Variants in PDP2 observed in about 807,000 individuals in gnomAD.
The protein encoded by PDP2 is [Pyruvate dehydrogenase [acetyl-transferring]]-phosphatase 2, mitochondrial.
A neutral mutation model predicts 34.2 loss-of-function variants in PDP2; 23 were observed. The observed-to-expected ratio is 0.67, with a 90% CI of 0.48 to 0.95. The LOEUF (loss-of-function observed/expected upper bound fraction) is 0.95, where lower values mean the gene tolerates loss of function less well. Among genes scored for constraint, PDP2 ranks in the 40% least tolerant of loss-of-function variants. The pLI is 0.00. For missense variants in PDP2, 571 were observed against 659.6 expected (o/e 0.87, Z 1.47); for synonymous variants, 275 against 269.2 (o/e 1.02, Z -0.21).
Position 66,888,039 on chromosome 16 carries a change from TTCC to T in PDP2, c.*2167_*2169del, listed in dbSNP as rs1567521062. On this transcript the variant is annotated 3_prime_UTR_variant, in exon 2 of 2. Coordinates refer to ENST00000311765, the MANE Select transcript of PDP2 (RefSeq NM_020786.4). The stretch of plus-strand genomic sequence containing the variant: ...CTTCCTTCCTTCCTTCCTTCCTTCC[TTCC>T]TTCCTTCCTTCCTTCCTCTCTCTCT... The T allele has an allele frequency of 1.4e-5, 2 of 145,810 alleles. No individual in the cohort carries two copies. The highest frequency in any genetic ancestry group is 3.0e-5 in the Non-Finnish European group (2 of 66,272). The allele number at this position is 145,810 out of a possible 1,614,324, so 9.0% of individuals were successfully genotyped here. A position where few individuals can be genotyped will look rare whatever the true frequency, so the allele number is the denominator to read the frequency against.
Position 66,886,610 on chromosome 16 carries a change from G to A in PDP2, c.*736G>A. ...GGTGCAGCTTTTTGTGCCCTCTACT[G>A]AGTCCCATTCCAGAAACTTTGAGCC... On this transcript the variant is annotated 3_prime_UTR_variant, in exon 2 of 2. Transcript: ENST00000311765. 1 of 452,046 alleles carries A rather than the reference G, an allele frequency of 2.2e-6. No individual in the cohort carries two copies. The highest frequency in any genetic ancestry group is 4.7e-6 in the Non-Finnish European group (1 of 213,532). The allele number at this position is 452,046 out of a possible 1,614,324, so 28.0% of individuals were successfully genotyped here. A position where few individuals can be genotyped will look rare whatever the true frequency, so the allele number is the denominator to read the frequency against.
rs779446548 is a variant in PDP2, at chr16:66,888,555, A to G, written c.*2681A>G. 4 of 152,142 alleles carry G rather than the reference A, an allele frequency of 2.6e-5. No homozygotes were observed. The highest frequency in any genetic ancestry group is 5.9e-5 in the Non-Finnish European group (4 of 68,028). 9.4% of individuals were successfully genotyped at this position (152,142 alleles called of 1,614,324 possible). ...CTCACTGTCAAACTCCTGGACTCCAATGTTCCCTCCCCTTTTAGCCTCCCA... is the reference window on the plus strand; with the variant it reads ...CTCACTGTCAAACTCCTGGACTCCAGTGTTCCCTCCCCTTTTAGCCTCCCA... On this transcript the variant is annotated 3_prime_UTR_variant, in exon 2 of 2. Transcript: ENST00000311765.
At chr16:66,884,106 G>A (rs1293642517) in intron 1 of PDP2, 125 bp from the exon 2 acceptor site, 7 of 475,336 alleles carry the variant, frequency 1.5e-5, no homozygotes, top group Non-Finnish European at 2.1e-5. Context: ...CCTGGGAGGC[G>A]GAGCTTGCAG....
Position 66,890,849 on chromosome 16 carries a change from T to A in PDP2, c.*4975T>A, listed in dbSNP as rs556842852. Reference sequence around the variant, plus strand: ...AGAGCTGCCCCTGGCACTATCTGAGTGGAAAGCTCATTGGGACAGCCATGC... The same window carrying A: ...AGAGCTGCCCCTGGCACTATCTGAGAGGAAAGCTCATTGGGACAGCCATGC... On this transcript the variant is annotated 3_prime_UTR_variant, in exon 2 of 2. Coordinates refer to ENST00000311765, the MANE Select transcript of PDP2 (RefSeq NM_020786.4). 6.6e-6 allele frequency: 1 copy of A among 152,210 alleles called. No homozygotes were observed. The highest frequency in any genetic ancestry group is 1.9e-4 in the East Asian group (1 of 5,182). 9.4% of individuals were successfully genotyped at this position (152,210 alleles called of 1,614,324 possible).
At chr16:66,883,259 A>G (rs372340369) in intron 1 of PDP2, among the ~76,000 whole-genome samples, 1 of 152,092 alleles carries the variant, frequency 6.6e-6, no homozygotes, top group African/African-American at 2.4e-5. Flanking sequence ...CAGCCTCCTG[A>G]GTAGCTGGGA....
At chr16:66,881,090 T>C (rs1961494521) in intron 1 of PDP2, among the ~76,000 whole-genome samples, 1 of 152,214 alleles carries the variant, frequency 6.6e-6, no homozygotes, top group Non-Finnish European at 1.5e-5. Context: ...CCGGAGTCCA[T>C]GCACTTAGCG....
chr16:66,885,385 C>T lies in PDP2; in HGVS notation c.1101C>T (p.Gly367=), dbSNP rs762619981. The T allele has an allele frequency of 4.6e-5, 74 of 1,613,902 alleles. No individual in the cohort carries two copies. Among genetic ancestry groups the T allele is most frequent in the Non-Finnish European group, 6.2e-5 (73 of 1,180,038 alleles). ...KELQRSILER[G]FNTEALNIYQ... The stretch of plus-strand genomic sequence containing the variant: ...TGCAGCGCAGCATTCTGGAGAGGGG[C>T]TTCAATACCGAGGCCCTCAACATTT... The change falls in exon 2 of 2, where the codon GGC becomes GGT. Residue 367 remains glycine (G), a synonymous_variant. Transcript: ENST00000311765. The surrounding 1 kb of genome is among the most constrained non-coding windows in gnomAD (Gnocchi z 4.6).
Position 66,886,605 on chromosome 16 carries a change from C to T in PDP2, c.*731C>T. The stretch of plus-strand genomic sequence containing the variant: ...TTACTGGTGCAGCTTTTTGTGCCCT[C>T]TACTGAGTCCCATTCCAGAAACTTT... On this transcript the variant is annotated 3_prime_UTR_variant, in exon 2 of 2. Transcript: ENST00000311765. 1 of 455,670 alleles carries T rather than the reference C, an allele frequency of 2.2e-6. No individual in the cohort carries two copies. Among genetic ancestry groups the T allele is most frequent in the South Asian group, 1.6e-5 (1 of 63,588 alleles). The allele number at this position is 455,670 out of a possible 1,614,324, so 28.2% of individuals were successfully genotyped here. A position where few individuals can be genotyped will look rare whatever the true frequency, so the allele number is the denominator to read the frequency against.
chr16:66,886,037 CA>C lies in PDP2; in HGVS notation c.*164del. 1.5e-6 allele frequency: 1 copy of C among 672,768 alleles called. No individual in the cohort carries two copies. Among genetic ancestry groups the C allele is most frequent in the African/African-American group, 1.8e-5 (1 of 55,018 alleles). 41.7% of individuals were successfully genotyped at this position (672,768 alleles called of 1,614,324 possible). ...AAACAAACAGCCTAGCTTTAAAAAA[CA>C]GTGAAATAGCAGTGATTTCATGTCC... is the stretch of plus-strand genomic sequence containing the variant. On this transcript the variant is annotated 3_prime_UTR_variant, in exon 2 of 2. Transcript: ENST00000311765.
chr16:66,885,750 C>T lies in PDP2; in HGVS notation c.1466C>T (p.Ala489Val). The change falls in exon 2 of 2, where the codon GCA (alanine) becomes GTA (valine). Residue 489 changes from alanine to valine, a missense_variant. By Grantham distance (64) the Ala-to-Val change is moderately conservative. This residue lies in a region of PDP2 where 281 missense variants were observed against 375.8 expected (regional missense o/e 0.75). Coordinates refer to ENST00000311765, the MANE Select transcript of PDP2 (RefSeq NM_020786.4). The surrounding 1 kb of genome is among the most constrained non-coding windows in gnomAD (Gnocchi z 4.6). ...IGNNEYGEMEAERLAAMLTLP... is the reference protein window; with the variant it reads ...IGNNEYGEMEVERLAAMLTLP... The stretch of plus-strand genomic sequence containing the variant: ...AACAATGAGTATGGGGAGATGGAGG[C>T]AGAGCGGCTGGCGGCGATGCTGACA... 6.2e-7 allele frequency: 1 copy of T among 1,613,880 alleles called. No individual in the cohort carries two copies.
chr16:66,885,683 G>A lies in PDP2; in HGVS notation c.1399G>A (p.Asp467Asn). The change falls in exon 2 of 2, where the codon GAC becomes AAC. Residue 467 changes from aspartate (D) to asparagine (N), a missense_variant. By Grantham distance (23) the Asp-to-Asn change is conservative (BLOSUM62 1). Transcript: ENST00000311765. This position sits in a 1 kb window ranked among gnomAD's most constrained non-coding sequence, Gnocchi z 4.6. ...QRKASGLHEA[D>N]QNAATRLIRH... ...GAAAGCCAGCGGGCTCCACGAGGCT[G>A]ACCAAAATGCAGCCACGCGGCTGAT... 6.2e-7 allele frequency: 1 copy of A among 1,614,058 alleles called. No homozygotes were observed. The highest frequency in any genetic ancestry group is 1.1e-5 in the South Asian group (1 of 91,064).
Position 66,884,367 on chromosome 16 carries a change from C to T in PDP2, c.83C>T (p.Ser28Phe). Residue 28 changes from serine to phenylalanine, a missense_variant, in exon 2 of 2, where the codon TCC (serine) becomes TTC (phenylalanine). Ser to Phe is a radical substitution (Grantham distance 155). Coordinates refer to ENST00000311765, the MANE Select transcript of PDP2 (RefSeq NM_020786.4). ...ATLQGGRRLYSRYVSNRNKLK... is the reference protein window; with the variant it reads ...ATLQGGRRLYFRYVSNRNKLK... ...TTGCAAGGGGGTAGACGCTTATACT[C>T]CAGGTATGTCTCAAATAGGAATAAA... 2 of 1,613,926 alleles carry T rather than the reference C, an allele frequency of 1.2e-6. No homozygotes were observed. The highest frequency in any genetic ancestry group is 1.7e-6 in the Non-Finnish European group (2 of 1,179,898).
In PDP2 at chr16:66,889,967, AG is replaced by A. The variant is rs996475658; in HGVS notation, c.*4094del. 6.7e-6 allele frequency: 1 copy of A among 149,302 alleles called. No individual in the cohort carries two copies. Among genetic ancestry groups the A allele is most frequent in the Non-Finnish European group, 1.5e-5 (1 of 67,820 alleles). 9.2% of individuals were successfully genotyped at this position (149,302 alleles called of 1,614,324 possible). On this transcript the variant is annotated 3_prime_UTR_variant, in exon 2 of 2. Transcript: ENST00000311765. ...AGAGTGAGACTGTGTCTAAAAAAAA[AG>A]TTTGAATTAAAAAAAAAAAAAAAAA... is the stretch of plus-strand genomic sequence containing the variant.
At position 66,884,240 on chromosome 16, in the gene PDP2, T is replaced by A; in HGVS notation, c.-45T>A. ...ACTTTTTAATTTTTAGGTTTAAAAA[T>A]ATCCTTTTTTGCTGAAGGAACACAT... On this transcript the variant is annotated 5_prime_UTR_variant, in exon 2 of 2. Coordinates refer to ENST00000311765, the MANE Select transcript of PDP2 (RefSeq NM_020786.4). 7.1e-6 allele frequency: 10 copies of A among 1,415,646 alleles called. No individual in the cohort carries two copies. The highest frequency in any genetic ancestry group is 1.6e-5 in the South Asian group (1 of 62,738). The allele number at this position is 1,415,646 out of a possible 1,614,324, so 87.7% of individuals were successfully genotyped here.
intron 1 of PDP2, among the ~76,000 whole-genome samples, chr16:66,883,769 A>G (rs1441569960): frequency 6.6e-6 from 1 of 152,190 alleles, no homozygotes; most frequent in Non-Finnish European, 1.5e-5. Flanking sequence ...TATTTAAATG[A>G]ACACTTATAG....
chr16:66,887,775 A>G lies in PDP2; in HGVS notation c.*1901A>G, dbSNP rs1961823685. 1 of 160,214 alleles carries G rather than the reference A, an allele frequency of 6.2e-6. No individual in the cohort carries two copies. Among genetic ancestry groups the G allele is most frequent in the African/African-American group, 2.4e-5 (1 of 41,404 alleles). The allele number at this position is 160,214 out of a possible 1,614,324, so 9.9% of individuals were successfully genotyped here. A position where few individuals can be genotyped will look rare whatever the true frequency, so the allele number is the denominator to read the frequency against. Reference sequence around the variant, plus strand: ...CGAGACCAGCCTGACCAACATGGAGAAACTCCATCTCTACTAAAAATACAA... The same window carrying G: ...CGAGACCAGCCTGACCAACATGGAGGAACTCCATCTCTACTAAAAATACAA... On this transcript the variant is annotated 3_prime_UTR_variant, in exon 2 of 2. Transcript: ENST00000311765.
Position 66,886,579 on chromosome 16 carries a change from C to T in PDP2, c.*705C>T, listed in dbSNP as rs1213793189. Reference sequence around the variant, plus strand: ...GATCTATGCCTCTGGACCAGCTGAACTTACTGGTGCAGCTTTTTGTGCCCT... The same window carrying T: ...GATCTATGCCTCTGGACCAGCTGAATTTACTGGTGCAGCTTTTTGTGCCCT... On this transcript the variant is annotated 3_prime_UTR_variant, in exon 2 of 2. Transcript: ENST00000311765. 1 of 467,248 alleles carries T rather than the reference C, an allele frequency of 2.1e-6. No homozygotes were observed. Among genetic ancestry groups the T allele is most frequent in the Admixed American group, 2.4e-5 (1 of 42,432 alleles). The allele number at this position is 467,248 out of a possible 1,614,324, so 28.9% of individuals were successfully genotyped here.
Position 66,885,325 on chromosome 16 carries a change from C to T in PDP2, c.1041C>T (p.Ala347=), listed in dbSNP as rs1017818970. 1.9e-6 allele frequency: 3 copies of T among 1,614,044 alleles called. No individual in the cohort carries two copies. The highest frequency in any genetic ancestry group is 1.7e-5 in the Admixed American group (1 of 59,998). ...TGGGCGTCCTCATCCCCTGCAGGGC[C>T]TTTGGGGATGTTCAGCTGAAGTGGA... ...RLLGVLIPCR[A]FGDVQLKWSK... is the part of the protein sequence containing the mutation. The change falls in exon 2 of 2, where the codon GCC becomes GCT. Residue 347 remains alanine, a synonymous_variant. Transcript: ENST00000311765. The surrounding 1 kb of genome is among the most constrained non-coding windows in gnomAD (Gnocchi z 4.6).
Position 66,885,948 on chromosome 16 carries a change from T to G in PDP2, c.*74T>G. The G allele has an allele frequency of 1.4e-6, 2 of 1,421,804 alleles. No individual in the cohort carries two copies. The highest frequency in any genetic ancestry group is 1.9e-6 in the Non-Finnish European group (2 of 1,044,856). The allele number at this position is 1,421,804 out of a possible 1,614,324, so 88.1% of individuals were successfully genotyped here. A position where few individuals can be genotyped will look rare whatever the true frequency, so the allele number is the denominator to read the frequency against. ...GTTTCACTTACTCCTAAACTAGCTA[T>G]CCAAACCTTACTATTAAAAGCGCAG... On this transcript the variant is annotated 3_prime_UTR_variant, in exon 2 of 2. Coordinates refer to ENST00000311765, the MANE Select transcript of PDP2 (RefSeq NM_020786.4). The surrounding 1 kb of genome is among the most constrained non-coding windows in gnomAD (Gnocchi z 4.6).
Sources: allele counts gnomAD v4.1 joint callset (sites outside exome capture counted in the v4.1 genomes callset), GRCh38; gene constraint gnomAD v4.1.1; regional missense constraint gnomAD v4.1.1; non-coding constraint Gnocchi (gnomAD v3.1); transcripts MANE v1.5; gene names NCBI Gene and HGNC (gene_info 2026-07-23, HGNC 2026-07-21).